Variants in KCNH3 observed in about 807,000 individuals in gnomAD.
KCNH3 encodes the protein potassium voltage-gated channel subfamily H member 3.
In KCNH3, 36 loss-of-function variants were observed where a neutral mutation model predicts 95.6. The observed-to-expected ratio is 0.38, with a 90% CI of 0.29 to 0.50. KCNH3 has a LOEUF of 0.50. Ranked by LOEUF, KCNH3 falls within the 20% of genes least tolerant of loss-of-function variation. KCNH3 has a pLI of 0.95. For synonymous variants in KCNH3, 620 were observed against 646.3 expected (o/e 0.96, Z 0.62); for missense variants, 1,030 against 1,484.1 (o/e 0.69, Z 5.03).
chr12:49,547,068 T>C (rs1411402068), intron 7 of KCNH3, among the ~76,000 whole-genome samples: 36 of 152,096 alleles, frequency 2.4e-4, no homozygotes. Flanking sequence ...CTAATTTTTA[T>C]ATTTTTAGTA....
intron 7 of KCNH3, among the ~76,000 whole-genome samples, chr12:49,547,628 GCA>G (rs1293000343): frequency 3.9e-5 from 6 of 151,934 alleles, no homozygotes; most frequent in Non-Finnish European, 4.4e-5. Flanking sequence ...CCAGCTCCTG[GCA>G]CACAGTGTGT....
chr12:49,548,440 AT>A (rs2138151000), intron 7 of KCNH3, among the ~76,000 whole-genome samples: 1 of 147,570 alleles, frequency 6.8e-6, no homozygotes, highest in South Asian at 2.3e-4. Context: ...ATGAGACTGA[AT>A]GGGGAGGGGA....
At position 49,549,659 on chromosome 12, in the gene KCNH3, G is replaced by A; in HGVS notation, c.1668+19G>A. 1 of 1,599,994 alleles carries A rather than the reference G, an allele frequency of 6.3e-7. No homozygotes were observed. Among genetic ancestry groups the A allele is most frequent in the East Asian group, 2.2e-5 (1 of 44,528 alleles). ...CACCGAGGTGCGGCCTCCGGGGCTG[G>A]GCCTGCTAGCCTTTGCTCCCTCAGG... is the stretch of plus-strand genomic sequence containing the variant. On this transcript the variant is annotated intron_variant, in intron 9 of 14. Coordinates refer to ENST00000257981, the MANE Select transcript of KCNH3 (RefSeq NM_012284.3).
chr12:49,548,934 A>T lies in KCNH3; in HGVS notation c.1229A>T (p.Tyr410Phe). The T allele has an allele frequency of 6.3e-7, 1 of 1,598,262 alleles. No individual in the cohort carries two copies. The highest frequency in any genetic ancestry group is 1.1e-5 in the South Asian group (1 of 89,176). Reference sequence around the variant, plus strand: ...CTGGCCCGCCGACTGGAGACTCCCTACTACCTGGTGGGCCGGAGGCCAGCT... The same window carrying T: ...CTGGCCCGCCGACTGGAGACTCCCTTCTACCTGGTGGGCCGGAGGCCAGCT... Reference protein sequence around the residue: ...QELARRLETPYYLVGRRPAGG... With the variant: ...QELARRLETPFYLVGRRPAGG... Residue 410 changes from tyrosine (Y) to phenylalanine (F), a missense_variant, in exon 8 of 15, where the codon TAC becomes TTC. This residue lies in a region of KCNH3 where 50 missense variants were observed against 41.0 expected (regional missense o/e 1.22). Coordinates refer to ENST00000257981, the MANE Select transcript of KCNH3 (RefSeq NM_012284.3).
At chr12:49,542,998 T>C (rs1375250297) in intron 4 of KCNH3, among the ~76,000 whole-genome samples, 159 bp downstream of exon 4, 2 of 152,182 alleles carry the variant, frequency 1.3e-5, no homozygotes, top group Non-Finnish European at 2.9e-5. Context: ...ACATGCCTGA[T>C]CCATCAGAAG....
intron 4 of KCNH3, 86 bp downstream of exon 4, chr12:49,542,925 T>G (rs1052549876): frequency 1.3e-6 from 2 of 1,506,886 alleles, no homozygotes; most frequent in Non-Finnish European, 1.8e-6. Flanking sequence ...ACAGAGAGAA[T>G]GTCCTAGGGG....
chr12:49,546,033 G>A (rs1434908396), intron 7 of KCNH3: 1 of 151,896 alleles, frequency 6.6e-6, no homozygotes, highest in Non-Finnish European at 1.5e-5. Context: ...CCCCCAAAGT[G>A]GGCTGAGACA....
At chr12:49,545,903 A>G (rs1938046044) in intron 7 of KCNH3, among the ~76,000 whole-genome samples, 1 of 151,820 alleles carries the variant, frequency 6.6e-6, no homozygotes, top group African/African-American at 2.4e-5. Context: ...AAACCAGGAC[A>G]CTCCGGGCAG....
intron 9 of KCNH3, 132 bp downstream of exon 9, chr12:49,549,772 C>A: frequency 1.1e-6 from 1 of 899,790 alleles, no homozygotes; most frequent in Non-Finnish European, 1.7e-6. Context: ...CTTGAGGGGA[C>A]AGCGGCATGG....
intron 11 of KCNH3, 66 bp downstream of exon 11, chr12:49,554,620 G>C: frequency 7.2e-7 from 1 of 1,388,974 alleles, no homozygotes; most frequent in East Asian, 2.3e-5. Context: ...AGTGGGCAGA[G>C]GCTGGGGATG....
rs1050322961 is a variant in KCNH3 at position 49,548,100 on chromosome 12, G to A, written c.1190-795G>A. On this transcript the variant is annotated intron_variant, in intron 7 of 14. Transcript: ENST00000257981. ...CCCGGTCTAGCCTGTGACTACGTGT[G>A]TGTGTGTGTGTGTGTGTGTGTGTGT... 3.2e-3 allele frequency among the ~76,000 whole-genome samples: 250 copies of A among 78,334 alleles called. 2 individuals are homozygous for A. Among genetic ancestry groups the A allele is most frequent in the South Asian group, 0.022 (78 of 3,568 alleles). The allele number at this position is 78,334 out of a possible 152,430, so 51.4% of individuals were successfully genotyped here.
At position 49,539,429 on chromosome 12, in the gene KCNH3, C is replaced by A; in HGVS notation, c.13C>A (p.Arg5=). 6.4e-7 allele frequency: 1 copy of A among 1,563,078 alleles called. No homozygotes were observed. Among genetic ancestry groups the A allele is most frequent in the Non-Finnish European group, 8.6e-7 (1 of 1,158,682 alleles). MPAM[R]GLLAPQNTFL... ...GCGGGCGCCTAAGATGCCGGCCATG[C>A]GGGGCCTCCTGGCGCCGCAGAACAC... Residue 5 remains arginine (R), a synonymous_variant, in exon 1 of 15, where the codon CGG becomes AGG. Transcript: ENST00000257981. This position sits in a 1 kb window ranked among gnomAD's most constrained non-coding sequence, Gnocchi z 6.7.
chr12:49,555,438 CTCTG>C (rs1293875242), intron 11 of KCNH3, among the ~76,000 whole-genome samples, 178 bp from the exon 12 acceptor site: 1 of 139,536 alleles, frequency 7.2e-6, no homozygotes, highest in Non-Finnish European at 1.5e-5. Flanking sequence ...CAGAGTAAGA[CTCTG>C]TCTCAAAAAA....
rs1938553896 is a variant in KCNH3, at chr12:49,558,226, G to GCCA, written c.*274_*276dup. 1 of 397,034 alleles carries GCCA rather than the reference G, an allele frequency of 2.5e-6. No individual in the cohort carries two copies. The highest frequency in any genetic ancestry group is 4.2e-5 in the Admixed American group (1 of 23,696). The allele number at this position is 397,034 out of a possible 1,614,324, so 24.6% of individuals were successfully genotyped here. A position where few individuals can be genotyped will look rare whatever the true frequency, so the allele number is the denominator to read the frequency against. On this transcript the variant is annotated 3_prime_UTR_variant, in exon 15 of 15. Transcript: ENST00000257981. ...AGGCCTGAGGACAAGGAAGAGCTTT[G>GCCA]CCATCCCCTGCATGTGCCCCTGCCT...
At chr12:49,544,805 C>T (rs1938005686) in intron 7 of KCNH3, among the ~76,000 whole-genome samples, 1 of 151,948 alleles carries the variant, frequency 6.6e-6, no homozygotes, top group Non-Finnish European at 1.5e-5. Context: ...ACCTCCAGTC[C>T]ACATTTCTTC....
intron 10 of KCNH3, among the ~76,000 whole-genome samples, chr12:49,552,386 G>C (rs1938293018): frequency 3.3e-5 from 5 of 152,176 alleles, no homozygotes. Context: ...CTAGCACCAG[G>C]ACTTATGCCA....
chr12:49,542,085 T>C (rs1937890119), intron 3 of KCNH3, among the ~76,000 whole-genome samples: 2 of 152,240 alleles, frequency 1.3e-5, no homozygotes, highest in South Asian at 4.1e-4. Flanking sequence ...ACCAGGTTCC[T>C]CTTTCCTACA....
chr12:49,551,565 ACT>A (rs1179905251), intron 10 of KCNH3, among the ~76,000 whole-genome samples: 1 of 131,784 alleles, frequency 7.6e-6, no homozygotes, highest in Admixed American at 8.5e-5. Flanking sequence ...GATAAGCGAG[ACT>A]CTGTCTCAAA....
In KCNH3 at chr12:49,539,112, C is replaced by G. The variant is rs1937776451; in HGVS notation, c.-305C>G. 6.6e-6 allele frequency: 1 copy of G among 152,472 alleles called. No individual in the cohort carries two copies. 9.4% of individuals were successfully genotyped at this position (152,472 alleles called of 1,614,324 possible). ...AGCCGAGCGGAAGCCCACCCGCAGCCGACACGCGAGCCGCTGCCGCGGCGG... is the reference window on the plus strand; with the variant it reads ...AGCCGAGCGGAAGCCCACCCGCAGCGGACACGCGAGCCGCTGCCGCGGCGG... On this transcript the variant is annotated 5_prime_UTR_variant, in exon 1 of 15. Transcript: ENST00000257981. This position sits in a 1 kb window ranked among gnomAD's most constrained non-coding sequence, Gnocchi z 6.7.
Sources: gnomAD v4.1 joint callset for allele counts (sites outside exome capture counted in the v4.1 genomes callset) on GRCh38, gnomAD v4.1.1 for gene constraint, gnomAD v4.1.1 regional missense constraint, Gnocchi (gnomAD v3.1) non-coding constraint, MANE v1.5 for transcripts, NCBI Gene and HGNC (gene_info 2026-07-23, HGNC 2026-07-21) for gene names.